Variants in RNF44 observed in about 807,000 individuals in gnomAD.
RNF44 encodes the protein ring finger protein 44.
A neutral mutation model predicts 53.6 loss-of-function variants in RNF44; 25 were observed. The observed-to-expected ratio is 0.47, with a 90% CI of 0.34 to 0.65. The LOEUF (loss-of-function observed/expected upper bound fraction) is 0.65. Among genes scored for constraint, RNF44 ranks in the 30% least tolerant of loss-of-function variants. The pLI is 0.01. For synonymous variants in RNF44, 282 were observed against 252.2 expected, an observed-to-expected ratio of 1.12 and a Z score of -1.12; for missense variants, 581 against 595.5, an observed-to-expected ratio of 0.98 and a Z score of 0.25.
chr5:176,538,157 C>A (rs750282418), upstream of RNF44: 19 of 152,202 alleles, frequency 1.2e-4, no homozygotes, highest in Non-Finnish European at 2.5e-4. Flanking sequence ...AGGCGCTGGG[C>A]GCTCTAGCTG....
chr5:176,530,005 C>T, intron 7 of RNF44, 77 bp downstream of exon 7: 1 of 1,480,684 alleles, frequency 6.8e-7, no homozygotes, highest in South Asian at 1.5e-5. Context: ...GCCCCTGGAG[C>T]TGTGTTTAGG....
chr5:176,529,000 G>T lies in RNF44; in HGVS notation c.*28C>A. On this transcript the variant is annotated 3_prime_UTR_variant, in exon 11 of 11. Transcript: ENST00000274811. The stretch of plus-strand genomic sequence containing the variant: ...ACAAGTTTCCAGAGCTTCAGGCAGG[G>T]TTCTCCCGGGCAGGCGGCTGCGTGG... The T allele has an allele frequency of 1.2e-6, 2 of 1,604,396 alleles. No homozygotes were observed. Among genetic ancestry groups the T allele is most frequent in the Non-Finnish European group, 1.7e-6 (2 of 1,175,412 alleles).
chr5:176,540,900 A>G (rs1166626811), upstream of RNF44, among the ~76,000 whole-genome samples: 1 of 152,244 alleles, frequency 6.6e-6, no homozygotes, highest in East Asian at 1.9e-4. Context: ...CAGTTTTTCA[A>G]ATGAAGCCAG....
In RNF44 at chr5:176,530,639, C is replaced by T. The variant is rs773365430; in HGVS notation, c.744G>A (p.Ser248=). The change falls in exon 6 of 11, where the codon TCG becomes TCA. Residue 248 remains serine, a synonymous_variant. Transcript: ENST00000274811. ...CGTGGGGCAGGTAGTGCAGGGGCAC[C>T]GACGGGGAAAGGGCTGGGCCAGGCG... ...TSAPGPALSP[S]VPLHYLPHDP... 66 of 1,518,694 alleles carry T rather than the reference C, an allele frequency of 4.3e-5. 2 individuals carry two copies. The South Asian group carries it at 5.4e-4, about 12-fold the overall frequency. The allele number at this position is 1,518,694 out of a possible 1,614,324, so 94.1% of individuals were successfully genotyped here. A position where few individuals can be genotyped will look rare whatever the true frequency, so the allele number is the denominator to read the frequency against.
At chr5:176,538,251 T>TA (rs1423699655), upstream of RNF44, among the ~76,000 whole-genome samples, 1 of 152,220 alleles carries the variant, frequency 6.6e-6, no homozygotes, top group Admixed American at 6.5e-5. Context: ...GAAGCGTCTA[T>TA]ACTTTAGTTT....
upstream of RNF44, among the ~76,000 whole-genome samples, chr5:176,541,833 A>T (rs1757454148): frequency 6.6e-6 from 1 of 152,198 alleles, no homozygotes; most frequent in South Asian, 2.1e-4. Flanking sequence ...GGCGGGACAC[A>T]GAGGCTGGGG....
Position 176,530,624 on chromosome 5 carries a change from G to A in RNF44, c.759C>T (p.Tyr253=), listed in dbSNP as rs1235562886. 2.0e-6 allele frequency: 3 copies of A among 1,506,238 alleles called. No individual in the cohort carries two copies. The highest frequency in any genetic ancestry group is 2.7e-6 in the Non-Finnish European group (3 of 1,131,298). The allele number at this position is 1,506,238 out of a possible 1,614,324, so 93.3% of individuals were successfully genotyped here. A position where few individuals can be genotyped will look rare whatever the true frequency, so the allele number is the denominator to read the frequency against. Residue 253 remains tyrosine, a synonymous_variant, in exon 6 of 11, where the codon TAC becomes TAT. Transcript: ENST00000274811. ...CCTGGTGCAGCGGATCGTGGGGCAG[G>A]TAGTGCAGGGGCACCGACGGGGAAA... ...PALSPSVPLH[Y]LPHDPLHQEL...
upstream of RNF44, among the ~76,000 whole-genome samples, chr5:176,539,270 G>A (rs1757390504): frequency 6.6e-6 from 1 of 152,222 alleles, no homozygotes; most frequent in South Asian, 2.1e-4. Flanking sequence ...AAAATTACAT[G>A]TGCATGAGAA....
At position 176,527,255 on chromosome 5, in the gene RNF44, G is replaced by A. The variant is rs1364998108; in HGVS notation, c.*1773C>T. 7 of 152,416 alleles carry A rather than the reference G, an allele frequency of 4.6e-5. No individual in the cohort carries two copies. The highest frequency in any genetic ancestry group is 4.6e-4 in the Admixed American group (7 of 15,276). The allele number at this position is 152,416 out of a possible 1,614,324, so 9.4% of individuals were successfully genotyped here. On this transcript the variant is annotated 3_prime_UTR_variant, in exon 11 of 11. Coordinates refer to ENST00000274811, the MANE Select transcript of RNF44 (RefSeq NM_014901.5). ...CATGGCATCTATAGCAAGGTCGGCA[G>A]ATCACAAACATCCTAAGTAATTGTT...
intron 1 of RNF44, among the ~76,000 whole-genome samples, chr5:176,536,629 C>A (rs575722825): frequency 6.6e-6 from 1 of 152,334 alleles, no homozygotes; most frequent in East Asian, 1.9e-4. Context: ...ACTTTAAGAG[C>A]CGAGGATCCC....
rs1756356780 is a variant in RNF44 at position 176,529,504 on chromosome 5, G to C, written c.1136+19C>G. 2 of 1,613,538 alleles carry C rather than the reference G, an allele frequency of 1.2e-6. No individual in the cohort carries two copies. The highest frequency in any genetic ancestry group is 1.7e-5 in the Admixed American group (1 of 59,998). On this transcript the variant is annotated intron_variant, in intron 9 of 10. Transcript: ENST00000274811. Reference sequence around the variant, plus strand: ...GCCAGCTGTGTTCAGAGGGGTGGGAGGTGGGGCAGGGTACTCACAGCGTCT... The same window carrying C: ...GCCAGCTGTGTTCAGAGGGGTGGGACGTGGGGCAGGGTACTCACAGCGTCT...
intron 1 of RNF44, among the ~76,000 whole-genome samples, chr5:176,535,316 T>A (rs1433836387): frequency 1.3e-5 from 2 of 152,178 alleles, no homozygotes; most frequent in Non-Finnish European, 2.9e-5. Context: ...GTGTGAATGA[T>A]CATTATTAGC....
At position 176,530,745 on chromosome 5, in the gene RNF44, T is replaced by C. The variant is rs763709280; in HGVS notation, c.640-2A>G. 4 of 1,531,128 alleles carry C rather than the reference T, an allele frequency of 2.6e-6. No individual in the cohort carries two copies. Among genetic ancestry groups the C allele is most frequent in the South Asian group, 1.2e-5 (1 of 80,692 alleles). 94.8% of individuals were successfully genotyped at this position (1,531,128 alleles called of 1,614,324 possible). A position where few individuals can be genotyped will look rare whatever the true frequency, so the allele number is the denominator to read the frequency against. On this transcript the variant is annotated splice_acceptor_variant, in intron 5 of 10. Coordinates refer to ENST00000274811, the MANE Select transcript of RNF44 (RefSeq NM_014901.5). LOFTEE classifies it high-confidence loss of function. ...GTCGTTGTCGAGCCGCTGGAGGGGC[T>C]GGAAGAACCAGCGCCGGGTCAGCAA...
At chr5:176,529,703 C>T (rs760889243) in intron 8 of RNF44, 28 bp downstream of exon 8, 23 of 1,610,318 alleles carry the variant, frequency 1.4e-5, no homozygotes, top group Non-Finnish European at 2.0e-5. Context: ...TCCCAAACCC[C>T]ACCTCCCAGC....
In RNF44 at chr5:176,530,571, G is replaced by GAGCCCAGA. The variant is rs1169978762; in HGVS notation, c.801+10_801+11insTCTGGGCT. The GAGCCCAGA allele has an allele frequency of 7.0e-7, 1 of 1,422,308 alleles. No individual in the cohort carries two copies. Among genetic ancestry groups the GAGCCCAGA allele is most frequent in the African/African-American group, 1.8e-5 (1 of 57,128 alleles). The allele number at this position is 1,422,308 out of a possible 1,614,324, so 88.1% of individuals were successfully genotyped here. On this transcript the variant is annotated intron_variant, in intron 6 of 10. Coordinates refer to ENST00000274811, the MANE Select transcript of RNF44 (RefSeq NM_014901.5). ...CCCTGGAGCCCAGGTGGGGGTCGGG[G>GAGCCCAGA]TGGCACTCACCACACCAAAGGACAG...
rs1757292780 is a variant in RNF44, at chr5:176,537,379, C to T, written c.-484G>A. On this transcript the variant is annotated 5_prime_UTR_variant, in exon 1 of 11. Coordinates refer to ENST00000274811, the MANE Select transcript of RNF44 (RefSeq NM_014901.5). ...GCGGGGGCGCGCCGGGAGGCTCCGGCAAACAGTAGCCCGCTGCAAGCCCGC... is the reference window on the plus strand; with the variant it reads ...GCGGGGGCGCGCCGGGAGGCTCCGGTAAACAGTAGCCCGCTGCAAGCCCGC... The T allele has an allele frequency of 6.6e-6, 1 of 152,178 alleles. No homozygotes were observed. Among genetic ancestry groups the T allele is most frequent in the South Asian group, 2.1e-4 (1 of 4,836 alleles). The allele number at this position is 152,178 out of a possible 1,614,324, so 9.4% of individuals were successfully genotyped here. A position where few individuals can be genotyped will look rare whatever the true frequency, so the allele number is the denominator to read the frequency against.
chr5:176,529,878 G>C, intron 7 of RNF44, 60 bp from the exon 8 acceptor site: 1 of 1,460,918 alleles, frequency 6.8e-7, no homozygotes, highest in South Asian at 1.4e-5. Context: ...ACACAGAGCC[G>C]CTCTCCTGAC....
Position 176,532,402 on chromosome 5 carries a change from G to A in RNF44, c.71C>T (p.Ala24Val), listed in dbSNP as rs767274565. Reference sequence around the variant, plus strand: ...CTGGCCCGGGGTGCTGCCAGGTCCCGCAGAGAATCGCCGCTGGCCCACGGG... The same window carrying A: ...CTGGCCCGGGGTGCTGCCAGGTCCCACAGAGAATCGCCGCTGGCCCACGGG... ...SAPVGQRRFS[A>V]GPGSTPGQLW... Residue 24 changes from alanine to valine, a missense_variant, in exon 2 of 11, where the codon GCG (alanine) becomes GTG (valine). Physicochemically the swap from Ala to Val is moderately conservative, Grantham distance 64. This residue lies in a region of RNF44 where 387 missense variants were observed against 366.0 expected (regional missense o/e 1.06). Transcript: ENST00000274811. 31 of 1,609,742 alleles carry A rather than the reference G, an allele frequency of 1.9e-5. No homozygotes were observed. The highest frequency in any genetic ancestry group is 1.1e-4 in the African/African-American group (8 of 74,846).
At chr5:176,541,616 G>C (rs1310429974), upstream of RNF44, among the ~76,000 whole-genome samples, 2 of 152,064 alleles carry the variant, frequency 1.3e-5, no homozygotes, top group Admixed American at 1.3e-4. Context: ...GTGGGGAAGG[G>C]CTTGGGCAAG....
Sources: gnomAD v4.1 joint callset for allele counts (sites outside exome capture counted in the v4.1 genomes callset) on GRCh38, gnomAD v4.1.1 for gene constraint, gnomAD v4.1.1 regional missense constraint, MANE v1.5 for transcripts, NCBI Gene and HGNC (gene_info 2026-07-23, HGNC 2026-07-21) for gene names.